SLIT2: variants seen among roughly 807,000 people sequenced by gnomAD.
SLIT2 encodes the protein slit guidance ligand 2.
In SLIT2, 41 loss-of-function variants were observed where a neutral mutation model predicts 185.7. The ratio of observed to expected loss-of-function variants is 0.22; its 90% CI spans 0.17 to 0.29. SLIT2 has a LOEUF of 0.29. SLIT2 is among the 10% of genes least tolerant of loss of function. The pLI, the probability that SLIT2 is intolerant of heterozygous loss-of-function variation, is 1.00. For missense variants in SLIT2, 1,571 were observed against 1,909.0 expected, an observed-to-expected ratio of 0.82 and a Z score of 3.30; for synonymous variants, 693 against 680.2, an observed-to-expected ratio of 1.02 and a Z score of -0.29.
At chr4:20,290,263 G>A (rs970312938) in intron 4 of SLIT2, among the ~76,000 whole-genome samples, 22 of 152,038 alleles carry the variant, frequency 1.4e-4, no homozygotes, top group Non-Finnish European at 2.6e-4. Context: ...TCAGCCCTTC[G>A]TGTCTGTGGG....
chr4:20,464,414 T>A (rs1714115230), intron 4 of SLIT2, among the ~76,000 whole-genome samples: 1 of 152,152 alleles, frequency 6.6e-6, no homozygotes, highest in African/African-American at 2.4e-5. Context: ...TCCAGATTAA[T>A]CTTCCAAAAA....
At chr4:20,425,958 G>A (rs1728527263) in intron 4 of SLIT2, among the ~76,000 whole-genome samples, 1 of 152,068 alleles carries the variant, frequency 6.6e-6, no homozygotes, top group Admixed American at 6.6e-5. Context: ...TGCTATCCCT[G>A]ACAATTCAGT....
chr4:20,461,025 G>A (rs527814628), intron 4 of SLIT2, among the ~76,000 whole-genome samples: 3 of 152,086 alleles, frequency 2.0e-5, no homozygotes, highest in Non-Finnish European at 4.4e-5. Context: ...TTTAATATGA[G>A]TTCATCTTAC....
intron 11 of SLIT2, among the ~76,000 whole-genome samples, chr4:20,516,019 G>A (rs144613822): frequency 1.6e-4 from 25 of 152,284 alleles, no homozygotes; most frequent in African/African-American, 4.3e-4. Flanking sequence ...GTTTCACTGC[G>A]TTGGCCAGGC....
chr4:20,378,789 A>G (rs996377573), intron 4 of SLIT2, among the ~76,000 whole-genome samples: 2 of 152,162 alleles, frequency 1.3e-5, no homozygotes, highest in Admixed American at 6.6e-5. Context: ...CTGCATACAT[A>G]TATTTAAGGA....
intron 25 of SLIT2, 51 bp from the exon 26 acceptor site, chr4:20,553,754 T>C (rs779979823): frequency 1.0e-5 from 14 of 1,393,326 alleles, no homozygotes; most frequent in Admixed American, 2.6e-5. Context: ...TGTGTGTGTG[T>C]GTATGTGTGT....
chr4:20,510,467 T>G, intron 9 of SLIT2, 28 bp from the exon 10 acceptor site: 1 of 1,509,138 alleles, frequency 6.6e-7, no homozygotes, highest in Non-Finnish European at 9.2e-7. Context: ...ACATTTCCAT[T>G]TAAAAGTTGA....
At chr4:20,430,605 C>T (rs1265750946) in intron 4 of SLIT2, among the ~76,000 whole-genome samples, 1 of 152,202 alleles carries the variant, frequency 6.6e-6, no homozygotes, top group African/African-American at 2.4e-5. Flanking sequence ...TTAACCTTCA[C>T]CACAAGTTAC....
At chr4:20,378,073 G>T (rs1724185562) in intron 4 of SLIT2, among the ~76,000 whole-genome samples, 1 of 152,098 alleles carries the variant, frequency 6.6e-6, no homozygotes, top group Admixed American at 6.6e-5. Flanking sequence ...ATACTGAGAT[G>T]CAGAGATTCA....
intron 4 of SLIT2, among the ~76,000 whole-genome samples, chr4:20,335,925 CA>C (rs869144776): frequency 2.8e-5 from 1 of 35,494 alleles, no homozygotes; most frequent in Non-Finnish European, 5.9e-5. Context: ...AATTTTATAA[CA>C]ATGTGCTGCC....
intron 4 of SLIT2, among the ~76,000 whole-genome samples, chr4:20,464,283 T>C (rs1476875047): frequency 2.0e-5 from 3 of 152,160 alleles, no homozygotes; most frequent in African/African-American, 4.8e-5. Flanking sequence ...CCATTGCCAG[T>C]TTAGTTAATC....
chr4:20,259,542 T>C (rs1217039957), intron 3 of SLIT2, among the ~76,000 whole-genome samples: 1 of 151,786 alleles, frequency 6.6e-6, no homozygotes, highest in African/African-American at 2.4e-5. Flanking sequence ...TCAGGGACAC[T>C]AGAACTAAAC....
intron 9 of SLIT2, among the ~76,000 whole-genome samples, chr4:20,503,204 A>G (rs988750794): frequency 6.6e-6 from 1 of 152,218 alleles, no homozygotes; most frequent in Non-Finnish European, 1.5e-5. Flanking sequence ...ATATTTTACT[A>G]GTGATCAGCA....
At position 20,546,038 on chromosome 4, in the gene SLIT2, G is replaced by A; in HGVS notation, c.2284G>A (p.Asp762Asn). 6.4e-7 allele frequency: 1 copy of A among 1,562,732 alleles called. No homozygotes were observed. Among genetic ancestry groups the A allele is most frequent in the South Asian group, 1.2e-5 (1 of 86,006 alleles). The change falls in exon 22 of 37, where the codon GAT becomes AAT. Residue 762 changes from aspartate (D) to asparagine (N), a missense_variant. By Grantham distance (23) the Asp-to-Asn change is conservative (BLOSUM62 1). Coordinates refer to ENST00000504154, the MANE Select transcript of SLIT2 (RefSeq NM_004787.4). ...IPRDVTELYL[D>N]GNQFTLVPKE... ...TTGTTCCATTGTTTTTAGGTATCTGGATGGAAACCAATTTACACTGGTTCC... is the reference window on the plus strand; with the variant it reads ...TTGTTCCATTGTTTTTAGGTATCTGAATGGAAACCAATTTACACTGGTTCC...
At chr4:20,352,540 A>T (rs1303885888) in intron 4 of SLIT2, among the ~76,000 whole-genome samples, 1 of 152,208 alleles carries the variant, frequency 6.6e-6, no homozygotes, top group African/African-American at 2.4e-5. Context: ...TGTTGGAAAA[A>T]TATTAACTTG....
chr4:20,327,951 T>A (rs1719739556), intron 4 of SLIT2, among the ~76,000 whole-genome samples: 1 of 152,076 alleles, frequency 6.6e-6, no homozygotes, highest in African/African-American at 2.4e-5. Context: ...TGCCAATGAC[T>A]ATATGGAACA....
chr4:20,396,125 A>G (rs199883066), intron 4 of SLIT2, among the ~76,000 whole-genome samples: 3 of 152,036 alleles, frequency 2.0e-5, no homozygotes, highest in East Asian at 1.9e-4. Context: ...AAAATTGGAT[A>G]ATGGCATTGT....
chr4:20,495,092 T>C (rs762178221), intron 9 of SLIT2, among the ~76,000 whole-genome samples: 1 of 152,182 alleles, frequency 6.6e-6, no homozygotes, highest in South Asian at 2.1e-4. Flanking sequence ...ATATTGTTCT[T>C]AGAAGGTTCC....
rs897604916 is a variant in SLIT2, at chr4:20,252,438, C to T, written c.-1378C>T. Among the ~76,000 whole-genome samples, 1 of 152,214 alleles carries T rather than the reference C, an allele frequency of 6.6e-6. No individual in the cohort carries two copies. Among genetic ancestry groups the T allele is most frequent in the Non-Finnish European group, 1.5e-5 (1 of 68,034 alleles). ...GGAGAAGGACTACCCGGGACTGCGG[C>T]CGCCGCGTCAGGTGCAGCGCCAGGA... On this transcript the variant is annotated 5_prime_UTR_variant, in exon 1 of 37. Coordinates refer to ENST00000504154, the MANE Select transcript of SLIT2 (RefSeq NM_004787.4).
Sources: gnomAD v4.1 joint callset for allele counts (sites outside exome capture counted in the v4.1 genomes callset) on GRCh38, gnomAD v4.1.1 for gene constraint, MANE v1.5 for transcripts, NCBI Gene and HGNC (gene_info 2026-07-23, HGNC 2026-07-21) for gene names.